The following PPARGC1A variants were observed in gnomAD, a reference collection of about 807,000 sequenced individuals.
PPARGC1A encodes PPARG coactivator 1 alpha.
In PPARGC1A, 25 loss-of-function variants were observed where a neutral mutation model predicts 88.7. The ratio of observed to expected loss-of-function variants is 0.28; its 90% CI spans 0.21 to 0.39. PPARGC1A has a LOEUF of 0.39. Ranked by LOEUF, PPARGC1A falls within the 10% of genes least tolerant of loss-of-function variation. PPARGC1A has a pLI of 1.00. For missense variants in PPARGC1A, 880 were observed against 968.7 expected, an observed-to-expected ratio of 0.91 and a Z score of 1.22; for synonymous variants, 363 against 355.6, an observed-to-expected ratio of 1.02 and a Z score of -0.24.
chr4:23,925,799 C>CACT, the PPARGC1A span, among the ~76,000 whole-genome samples: 443 of 152,108 alleles, frequency 2.9e-3, no homozygotes, highest in African/African-American at 9.9e-3. Context: ...ATCAGTTTAG[C>CACT]ACTAGATAGT....
the PPARGC1A span, among the ~76,000 whole-genome samples, chr4:23,953,347 A>T: frequency 3.3e-5 from 5 of 152,168 alleles, no homozygotes; most frequent in Non-Finnish European, 7.4e-5. Flanking sequence ...ATCTCTTAGT[A>T]GAAAGTATTA....
chr4:23,814,290 ATGAG>A lies in PPARGC1A; in HGVS notation c.1189_1192del (p.Asn399TyrfsTer11). On this transcript the variant is annotated frameshift_variant, in exon 8 of 13. Transcript: ENST00000264867. LOFTEE classifies it high-confidence loss of function. ...GTCTTGGAGCTCCTGTGATATATTA[ATGAG>A]TATTTCTGTTTTGGAATTAATTGAC... is the stretch of plus-strand genomic sequence containing the variant. The A allele has an allele frequency of 6.2e-7, 1 of 1,613,994 alleles. No individual in the cohort carries two copies. Among genetic ancestry groups the A allele is most frequent in the Non-Finnish European group, 8.5e-7 (1 of 1,179,968 alleles).
the PPARGC1A span, among the ~76,000 whole-genome samples, chr4:24,461,596 T>C: frequency 6.7e-6 from 1 of 150,334 alleles, no homozygotes; most frequent in Non-Finnish European, 1.5e-5. Flanking sequence ...CGTCTATGTC[T>C]CTATCGTGTC....
chr4:23,912,367 A>C, the PPARGC1A span, among the ~76,000 whole-genome samples: 2 of 152,130 alleles, frequency 1.3e-5, no homozygotes, highest in Admixed American at 6.5e-5. Flanking sequence ...CACCATGCCT[A>C]TATCTTAGGG....
the PPARGC1A span, among the ~76,000 whole-genome samples, chr4:24,306,678 T>C: frequency 6.6e-6 from 1 of 152,198 alleles, no homozygotes; most frequent in Non-Finnish European, 1.5e-5. Flanking sequence ...AAAGACAATA[T>C]ATACACAAAT....
chr4:24,332,961 G>A, the PPARGC1A span, among the ~76,000 whole-genome samples: 1 of 152,186 alleles, frequency 6.6e-6, no homozygotes, highest in Non-Finnish European at 1.5e-5. Context: ...GTAATAAGAG[G>A]CCAGGCGTTG....
At chr4:24,285,508 A>G in the PPARGC1A span, among the ~76,000 whole-genome samples, 2 of 152,204 alleles carry the variant, frequency 1.3e-5, no homozygotes, top group Non-Finnish European at 2.9e-5. Flanking sequence ...TAGAGAAGAA[A>G]AAGTGGTGCT....
the PPARGC1A span, among the ~76,000 whole-genome samples, chr4:24,052,729 G>A: frequency 6.6e-6 from 1 of 151,222 alleles, no homozygotes; most frequent in Non-Finnish European, 1.5e-5. Context: ...CAAGCACACT[G>A]ATTGTCCTTC....
intron 10 of PPARGC1A, among the ~76,000 whole-genome samples, chr4:23,811,327 G>T (rs1303463586): frequency 8.6e-6 from 1 of 116,060 alleles, no homozygotes; most frequent in Admixed American, 8.3e-5. Flanking sequence ...AACCTTTACA[G>T]TCAAAAATCA....
intron 2 of PPARGC1A, among the ~76,000 whole-genome samples, chr4:23,867,868 C>T (rs1577578735): frequency 6.6e-6 from 1 of 152,164 alleles, no homozygotes; most frequent in Non-Finnish European, 1.5e-5. Context: ...TCATTACAAT[C>T]GTAAACGAGG....
At chr4:24,093,195 T>C in the PPARGC1A span, among the ~76,000 whole-genome samples, 4 of 152,306 alleles carry the variant, frequency 2.6e-5, no homozygotes, top group South Asian at 4.1e-4. Flanking sequence ...CAAGAGTTAG[T>C]TCAGCTATAA....
chr4:24,161,964 AC>A, the PPARGC1A span, among the ~76,000 whole-genome samples: 1 of 1,920 alleles, frequency 5.2e-4, no homozygotes, highest in Non-Finnish European at 8.3e-4. Context: ...TGTGATATAC[AC>A]ACACACACAC....
the PPARGC1A span, among the ~76,000 whole-genome samples, chr4:23,938,963 C>A: frequency 6.6e-6 from 1 of 152,130 alleles, no homozygotes; most frequent in Non-Finnish European, 1.5e-5. Context: ...GAGAAGCCTC[C>A]ACAGCTGCTC....
chr4:23,930,324 A>G, the PPARGC1A span, among the ~76,000 whole-genome samples: 720 of 152,272 alleles, frequency 4.7e-3, 7 homozygotes, highest in African/African-American at 0.016. Flanking sequence ...ATAAATAATA[A>G]ATTATAGCAT....
the PPARGC1A span, chr4:24,258,060 T>C: frequency 3.6e-6 from 1 of 274,906 alleles, no homozygotes; most frequent in Non-Finnish European, 5.5e-6. Context: ...TTCAGAAACA[T>C]TAAATGCCTC....
At chr4:23,802,146 C>T in intron 11 of PPARGC1A, 78 bp downstream of exon 11, 1 of 1,589,486 alleles carries the variant, frequency 6.3e-7, no homozygotes, top group Non-Finnish European at 8.6e-7. Context: ...ATTGGCAACT[C>T]CCATCCCAGT....
the PPARGC1A span, among the ~76,000 whole-genome samples, chr4:24,014,045 T>G: frequency 6.6e-6 from 1 of 152,334 alleles, no homozygotes; most frequent in Non-Finnish European, 1.5e-5. Flanking sequence ...GGATGATGTA[T>G]GTAAAGGGAA....
chr4:24,464,683 T>C, the PPARGC1A span, among the ~76,000 whole-genome samples: 5 of 152,206 alleles, frequency 3.3e-5, no homozygotes, highest in Admixed American at 2.0e-4. Context: ...TTGAAATCTA[T>C]AGAAGACGTG....
At chr4:23,876,183 C>A (rs1013642279) in intron 2 of PPARGC1A, among the ~76,000 whole-genome samples, 2 of 152,182 alleles carry the variant, frequency 1.3e-5, no homozygotes, top group Non-Finnish European at 2.9e-5. Flanking sequence ...TGCATAATAG[C>A]ATTTTAATCT....
Sources: allele counts gnomAD v4.1 joint callset (sites outside exome capture counted in the v4.1 genomes callset), GRCh38; gene constraint gnomAD v4.1.1; transcripts MANE v1.5; gene names NCBI Gene and HGNC (gene_info 2026-07-23, HGNC 2026-07-21).